The following TXLNG variants were observed in gnomAD, a reference collection of about 807,000 sequenced individuals.
TXLNG encodes taxilin gamma, also known as gamma-taxilin.
A neutral mutation model predicts 38.8 loss-of-function variants in TXLNG; 5 were observed. The observed-to-expected ratio is 0.13, with a 90% CI of 0.07 to 0.27. The LOEUF (loss-of-function observed/expected upper bound fraction) is 0.27. TXLNG is among the 10% of genes least tolerant of loss of function. The pLI is 1.00. For synonymous variants in TXLNG, 182 were observed against 158.2 expected, an observed-to-expected ratio of 1.15 and a Z score of -1.13; for missense variants, 393 against 398.2, an observed-to-expected ratio of 0.99 and a Z score of 0.11.
chrX:16,827,983 C>A, intron 3 of TXLNG, 111 bp from the exon 4 acceptor site: 1 of 627,919 alleles, frequency 1.6e-6, no homozygotes, highest in Non-Finnish European at 2.3e-6. Flanking sequence ...ATATATTAAA[C>A]CATAGTATTT....
intron 1 of TXLNG, among the ~76,000 whole-genome samples, chrX:16,809,907 TC>T (rs1928455899): frequency 8.9e-6 from 1 of 112,021 alleles, no homozygotes; most frequent in Admixed American, 9.6e-5. Flanking sequence ...AATAGGCTTC[TC>T]TAAGATGGCT....
rs1350181647 is a variant in TXLNG, at chrX:16,841,574, C to T, written c.1395C>T (p.Ile465=). The change falls in exon 10 of 10, where the codon ATC becomes ATT. Residue 465 remains isoleucine (I), a synonymous_variant. Coordinates refer to ENST00000380122, the MANE Select transcript of TXLNG (RefSeq NM_018360.3). ...AGCAGGTATCCATCAAAGCGGCCAT[C>T]AAAGCGGCGAACAGGGATTTAGCAA... ...LKEQVSIKAA[I]KAANRDLATP... 4 of 1,209,853 alleles carry T rather than the reference C, an allele frequency of 3.3e-6. No homozygotes were observed. The highest frequency in any genetic ancestry group is 4.5e-6 in the Non-Finnish European group (4 of 895,248).
At chrX:16,796,076 A>C (rs1927878955) in intron 1 of TXLNG, among the ~76,000 whole-genome samples, 1 of 110,648 alleles carries the variant, frequency 9.0e-6, no homozygotes, top group Non-Finnish European at 1.9e-5. Flanking sequence ...AGCCTCCCAA[A>C]GTGCTGGCAT....
rs186897346 is a variant in TXLNG, at chrX:16,787,481, C to T, written c.102+892C>T. On this transcript the variant is annotated intron_variant, in intron 1 of 9. Transcript: ENST00000380122. ...GTCTTTCTTAATCTGGGAAACAGGCCGGACTGTTCCCCTTGCCTTACTTGA... is the reference window on the plus strand; with the variant it reads ...GTCTTTCTTAATCTGGGAAACAGGCTGGACTGTTCCCCTTGCCTTACTTGA... 3.8e-3 allele frequency among the ~76,000 whole-genome samples: 422 copies of T among 111,397 alleles called. 2 individuals are homozygous for T. Among genetic ancestry groups the T allele is most frequent in the African/African-American group, 0.013 (386 of 30,663 alleles).
chrX:16,802,548 G>A (rs1307893893), intron 1 of TXLNG, among the ~76,000 whole-genome samples: 1 of 110,308 alleles, frequency 9.1e-6, no homozygotes, highest in Non-Finnish European at 1.9e-5. Context: ...GATTCTGACC[G>A]CTACTTATGT....
intron 1 of TXLNG, among the ~76,000 whole-genome samples, chrX:16,802,228 T>A (rs1312042010): frequency 2.0e-5 from 2 of 100,484 alleles, no homozygotes; most frequent in Admixed American, 2.2e-4. Flanking sequence ...GTGCTGGGAT[T>A]ACAGGGGCGA....
At chrX:16,795,220 C>T (rs372070419) in intron 1 of TXLNG, among the ~76,000 whole-genome samples, 26 of 109,978 alleles carry the variant, frequency 2.4e-4, no homozygotes, top group African/African-American at 8.6e-4. Flanking sequence ...GAGCTTGCAG[C>T]GAGCCGAGAT....
intron 6 of TXLNG, among the ~76,000 whole-genome samples, chrX:16,833,667 C>A (rs1285814464): frequency 8.9e-6 from 1 of 111,816 alleles, no homozygotes; most frequent in Non-Finnish European, 1.9e-5. Flanking sequence ...CATGTGTGTA[C>A]TTTCTGGTTG....
chrX:16,820,077 T>G (rs1437832772), intron 2 of TXLNG, 87 bp from the exon 3 acceptor site: 6 of 689,115 alleles, frequency 8.7e-6, no homozygotes, highest in Non-Finnish European at 1.3e-5. Context: ...ACTCTGGATG[T>G]CAGAGCACGG....
intron 1 of TXLNG, among the ~76,000 whole-genome samples, chrX:16,800,950 C>G (rs1928064404): frequency 9.0e-6 from 1 of 111,255 alleles, no homozygotes; most frequent in Non-Finnish European, 1.9e-5. Context: ...CCAACCATCC[C>G]CCTGATAGTT....
At chrX:16,812,039 T>C (rs1170744603) in intron 1 of TXLNG, among the ~76,000 whole-genome samples, 2 of 108,330 alleles carry the variant, frequency 1.8e-5, no homozygotes, top group Non-Finnish European at 3.8e-5. Flanking sequence ...AGTCTTGCTC[T>C]GTTGCCCAGG....
intron 1 of TXLNG, among the ~76,000 whole-genome samples, chrX:16,809,309 C>T (rs1177927536): frequency 7.3e-5 from 7 of 96,365 alleles, no homozygotes; most frequent in Non-Finnish European, 1.2e-4. Context: ...ACAGTGTTGT[C>T]GAAGTTTTTG....
intron 1 of TXLNG, among the ~76,000 whole-genome samples, chrX:16,795,209 G>A (rs1927838864): frequency 1.8e-5 from 2 of 110,461 alleles, no homozygotes; most frequent in African/African-American, 3.3e-5. Flanking sequence ...CCTGGGAGGC[G>A]GAGCTTGCAG....
intron 1 of TXLNG, among the ~76,000 whole-genome samples, chrX:16,804,967 G>GCCC (rs1289571882): frequency 2.3e-3 from 2 of 853 alleles, no homozygotes; most frequent in African/African-American, 5.9e-3. Context: ...CACCACCACT[G>GCCC]CCCACCCCCC....
intron 1 of TXLNG, among the ~76,000 whole-genome samples, chrX:16,795,875 C>T (rs1008132424): frequency 1.1e-4 from 12 of 104,926 alleles, no homozygotes; most frequent in Non-Finnish European, 2.3e-4. Flanking sequence ...TGCAGTGGTG[C>T]GATCTCGGCT....
At position 16,829,702 on chromosome X, in the gene TXLNG, C is replaced by G. The variant is rs1188277659; in HGVS notation, c.796C>G (p.Arg266Gly). The G allele has an allele frequency of 1.7e-6, 2 of 1,211,786 alleles. No individual in the cohort carries two copies. Among genetic ancestry groups the G allele is most frequent in the African/African-American group, 1.7e-5 (1 of 57,805 alleles). The change falls in exon 5 of 10, where the codon CGA (arginine) becomes GGA (glycine). Residue 266 changes from arginine (R) to glycine (G), a missense_variant. Arg to Gly is a moderately radical substitution (Grantham distance 125). Coordinates refer to ENST00000380122, the MANE Select transcript of TXLNG (RefSeq NM_018360.3). ...GCATGACATCCACAACGCCAAACTC[C>G]GACAGGAAAACATTGAGCTGGGGGA... is the stretch of plus-strand genomic sequence containing the variant. ...EQHDIHNAKL[R>G]QENIELGEKL...
chrX:16,841,348 A>G (rs1384164410), intron 9 of TXLNG, 80 bp from the exon 10 acceptor site: 2 of 899,419 alleles, frequency 2.2e-6, no homozygotes, highest in Non-Finnish European at 3.1e-6. Flanking sequence ...AGAAGTGTCC[A>G]ATATGGCTGA....
chrX:16,818,245 C>T (rs1197672402), intron 1 of TXLNG, among the ~76,000 whole-genome samples: 1 of 111,311 alleles, frequency 9.0e-6, no homozygotes, highest in Non-Finnish European at 1.9e-5. Context: ...AATTAATATT[C>T]ATTAACTGGG....
intron 5 of TXLNG, among the ~76,000 whole-genome samples, chrX:16,831,752 G>A (rs1297831280): frequency 8.9e-6 from 1 of 111,931 alleles, no homozygotes; most frequent in African/African-American, 3.2e-5. Flanking sequence ...TGTGTCTTAT[G>A]TTATGTTCTT....
Sources: allele counts gnomAD v4.1 joint callset (sites outside exome capture counted in the v4.1 genomes callset), GRCh38; gene constraint gnomAD v4.1.1; transcripts MANE v1.5; gene names NCBI Gene and HGNC (gene_info 2026-07-23, HGNC 2026-07-21).